The following IFIH1 variants were observed in gnomAD, a reference collection of about 807,000 sequenced individuals.
IFIH1 encodes interferon-induced helicase C domain-containing protein 1.
Under a neutral mutation model 107.4 loss-of-function variants are expected in IFIH1, and 125 were observed. The ratio of observed to expected loss-of-function variants is 1.16; its 90% CI spans 1.01 to 1.35. The LOEUF is 1.35. IFIH1 is among the 40% of genes most tolerant of loss of function. The probability of loss-of-function intolerance (pLI) is 0.00; values close to 1 mark genes in which losing one functional copy is unlikely to be tolerated. For missense variants in IFIH1, 1,333 were observed against 1,213.7 expected, an observed-to-expected ratio of 1.10 and a Z score of -1.46; for synonymous variants, 458 against 413.2, an observed-to-expected ratio of 1.11 and a Z score of -1.31.
At chr2:162,302,863 C>T (rs1329808156) in intron 3 of IFIH1, among the ~76,000 whole-genome samples, 1 of 152,182 alleles carries the variant, frequency 6.6e-6, no homozygotes. Context: ...AACTAACCTG[C>T]TTTCAAATCC....
At chr2:162,309,247 T>C (rs979111030) in intron 2 of IFIH1, among the ~76,000 whole-genome samples, 2 of 152,132 alleles carry the variant, frequency 1.3e-5, no homozygotes, top group African/African-American at 4.8e-5. Context: ...GCCTGCTCTC[T>C]CTAAGGGCTC....
rs1682715644 is a variant in IFIH1, at chr2:162,277,447, T to C, written c.2012A>G (p.Glu671Gly). 1.2e-6 allele frequency: 2 copies of C among 1,609,264 alleles called. No homozygotes were observed. Among genetic ancestry groups the C allele is most frequent in the African/African-American group, 2.7e-5 (2 of 74,964 alleles). ...TAAAGTCATGAGAAATCTATCTGTT[T>C]CATCCAGTTTCAAAGGTTTCTTTAA... ...DDLKKPLKLD[E>G]TDRFLMTLFF... The change falls in exon 10 of 16, where the codon GAA becomes GGA. Residue 671 changes from glutamate to glycine, a missense_variant. Coordinates refer to ENST00000649979, the MANE Select transcript of IFIH1 (RefSeq NM_022168.4).
intron 3 of IFIH1, among the ~76,000 whole-genome samples, chr2:162,305,589 A>G (rs1461583670): frequency 1.3e-5 from 2 of 152,036 alleles, no homozygotes; most frequent in African/African-American, 4.8e-5. Context: ...AATAAAATAA[A>G]ATAAAATGAA....
At chr2:162,303,725 A>G (rs1023944250) in intron 3 of IFIH1, among the ~76,000 whole-genome samples, 1 of 152,130 alleles carries the variant, frequency 6.6e-6, no homozygotes. Flanking sequence ...TTCACAAGAT[A>G]CATCTTTAAG....
intron 3 of IFIH1, among the ~76,000 whole-genome samples, chr2:162,296,714 A>G (rs1683089927): frequency 6.6e-6 from 1 of 152,168 alleles, no homozygotes; most frequent in African/African-American, 2.4e-5. Flanking sequence ...TCTTTCCAAG[A>G]AAAGAACTTA....
At chr2:162,303,185 G>A (rs1683220511) in intron 3 of IFIH1, among the ~76,000 whole-genome samples, 2 of 152,016 alleles carry the variant, frequency 1.3e-5, no homozygotes, top group Non-Finnish European at 2.9e-5. Context: ...TGCAATCTTG[G>A]CTCACTGCAA....
intron 13 of IFIH1, among the ~76,000 whole-genome samples, chr2:162,271,817 T>G (rs1261521412): frequency 6.6e-6 from 1 of 152,202 alleles, no homozygotes; most frequent in African/African-American, 2.4e-5. Flanking sequence ...ATGTGTTTTG[T>G]TTCCTCTGTT....
At chr2:162,301,829 T>C (rs554292421) in intron 3 of IFIH1, among the ~76,000 whole-genome samples, 9 of 152,336 alleles carry the variant, frequency 5.9e-5, no homozygotes, top group African/African-American at 2.2e-4. Flanking sequence ...TCTTTTGTTA[T>C]AAGACGACCA....
intron 3 of IFIH1, among the ~76,000 whole-genome samples, chr2:162,301,026 G>A (rs188653322): frequency 1.3e-5 from 2 of 152,222 alleles, no homozygotes; most frequent in African/African-American, 4.8e-5. Flanking sequence ...GGAGAAGAAG[G>A]CTGTTTTGTA....
chr2:162,300,233 T>G (rs1044949139), intron 3 of IFIH1, among the ~76,000 whole-genome samples: 1 of 152,192 alleles, frequency 6.6e-6, no homozygotes, highest in Non-Finnish European at 1.5e-5. Context: ...CTTCTTCCTA[T>G]TTCTCTGGCT....
At chr2:162,282,926 T>C (rs1380772722) in intron 5 of IFIH1, among the ~76,000 whole-genome samples, 1 of 149,086 alleles carries the variant, frequency 6.7e-6, no homozygotes, top group Admixed American at 6.8e-5. Flanking sequence ...AAGTGACAGT[T>C]AAGAGAAGAA....
Position 162,310,633 on chromosome 2 carries a change from T to C in IFIH1, c.622+132A>G, listed in dbSNP as rs993342414. The C allele has an allele frequency of 6.0e-6, 4 of 663,264 alleles. No individual in the cohort carries two copies. The African/African-American group carries it at 7.3e-5, about 12-fold the overall frequency. 41.1% of individuals were successfully genotyped at this position (663,264 alleles called of 1,614,324 possible). ...TGTTAAGGTGATAAAATAGATGATC[T>C]ATCACATATGTTCCACTCTTAAAAT... is the stretch of plus-strand genomic sequence containing the variant. On this transcript the variant is annotated intron_variant, in intron 2 of 15. Coordinates refer to ENST00000649979, the MANE Select transcript of IFIH1 (RefSeq NM_022168.4).
chr2:162,305,904 T>C (rs1386712475), intron 3 of IFIH1, among the ~76,000 whole-genome samples: 1 of 152,230 alleles, frequency 6.6e-6, no homozygotes, highest in Non-Finnish European at 1.5e-5. Context: ...CCCAGCTTTG[T>C]GTTCAGTGAT....
At chr2:162,280,144 AATT>A in intron 7 of IFIH1, 32 bp from the exon 8 acceptor site, 1 of 1,152,222 alleles carries the variant, frequency 8.7e-7, no homozygotes, top group Non-Finnish European at 1.3e-6. Context: ...ATATTTATGC[AATT>A]ATTTTTCCCT....
In IFIH1 at chr2:162,278,279, T is replaced by C. The variant is rs1576225227; in HGVS notation, c.1691A>G (p.Tyr564Cys). ...LLEIMTRIQTYCQMSPMSDFG... is the reference protein window; with the variant it reads ...LLEIMTRIQTCCQMSPMSDFG... ...ATCTGACATTGGACTCATTTGACAA[T>C]AAGTTTGAATCCTTGTCATTATTTC... The change falls in exon 9 of 16, where the codon TAT becomes TGT. Residue 564 changes from tyrosine to cysteine, a missense_variant. Physicochemically the swap from Tyr to Cys is radical, Grantham distance 194 (BLOSUM62 -2). Coordinates refer to ENST00000649979, the MANE Select transcript of IFIH1 (RefSeq NM_022168.4). 1 of 1,528,222 alleles carries C rather than the reference T, an allele frequency of 6.5e-7. No homozygotes were observed. The highest frequency in any genetic ancestry group is 9.0e-7 in the Non-Finnish European group (1 of 1,106,846). 94.7% of individuals were successfully genotyped at this position (1,528,222 alleles called of 1,614,324 possible).
chr2:162,317,823 A>G (rs150665046), intron 1 of IFIH1, 32 bp downstream of exon 1: 30 of 1,512,310 alleles, frequency 2.0e-5, no homozygotes, highest in South Asian at 1.1e-4. Flanking sequence ...AAATCTGCCT[A>G]AAAGGCTAGC....
rs202082342 is a variant in IFIH1 at position 162,277,385 on chromosome 2, G to A, written c.2044+30C>T. On this transcript the variant is annotated intron_variant, in intron 10 of 15. Coordinates refer to ENST00000649979, the MANE Select transcript of IFIH1 (RefSeq NM_022168.4). ...GTTCATGTTGAAAAGGTAAATGAAT[G>A]ACACCAGTATATGTTACTTTGAATC... 24 of 1,473,902 alleles carry A rather than the reference G, an allele frequency of 1.6e-5. No individual in the cohort carries two copies. In the Admixed American group the frequency reaches 2.9e-4, roughly 18 times the overall value. The allele number at this position is 1,473,902 out of a possible 1,614,324, so 91.3% of individuals were successfully genotyped here. A position where few individuals can be genotyped will look rare whatever the true frequency, so the allele number is the denominator to read the frequency against.
intron 3 of IFIH1, among the ~76,000 whole-genome samples, chr2:162,300,403 G>A (rs1360892307): frequency 1.3e-5 from 2 of 152,064 alleles, no homozygotes; most frequent in African/African-American, 2.4e-5. Context: ...TGCACACTGG[G>A]GAGATTTCTT....
At chr2:162,314,364 TTCCTTCCCTCCCTCCCTCCCTCCC>T (rs1683433110) in intron 1 of IFIH1, among the ~76,000 whole-genome samples, 1 of 141,624 alleles carries the variant, frequency 7.1e-6, no homozygotes, top group African/African-American at 3.0e-5. Context: ...CCTTTCTTCC[TTCCTTCCCTCCCTCCCTCCCTCCC>T]TCCCTCCCTC....
Sources: gnomAD v4.1 joint callset for allele counts (sites outside exome capture counted in the v4.1 genomes callset) on GRCh38, gnomAD v4.1.1 for gene constraint, MANE v1.5 for transcripts, NCBI Gene and HGNC (gene_info 2026-07-23, HGNC 2026-07-21) for gene names.